Variants in LMF1 observed in about 807,000 individuals in gnomAD.
LMF1 encodes the protein lipase maturation factor 1.
Under a neutral mutation model 60.6 loss-of-function variants are expected in LMF1, and 68 were observed. That is an observed-to-expected ratio of 1.12 (90% CI 0.92 to 1.37). The LOEUF is 1.37. Among genes scored for constraint, LMF1 ranks in the 40% most tolerant of loss-of-function variants. The probability of loss-of-function intolerance (pLI) is 0.00; values close to 1 mark genes in which losing one functional copy is unlikely to be tolerated. For missense variants in LMF1, 948 were observed against 767.2 expected (o/e 1.24, Z -2.78); for synonymous variants, 418 against 324.7 (o/e 1.29, Z -3.09).
At chr16:879,451 T>A in intron 6 of LMF1, 119 bp downstream of exon 6, 1 of 1,199,946 alleles carries the variant, frequency 8.3e-7, no homozygotes, top group South Asian at 1.5e-5. Context: ...GGACAGGCTG[T>A]CCCCAAGAAA....
upstream of LMF1, among the ~76,000 whole-genome samples, chr16:972,552 A>C (rs2073069800): frequency 1.3e-5 from 2 of 152,084 alleles, no homozygotes; most frequent in African/African-American, 2.4e-5. Context: ...GGAGCCCCAC[A>C]CCCTGGGACC....
chr16:970,878 G>A lies in LMF1; in HGVS notation c.103C>T (p.Arg35Cys). Residue 35 changes from arginine (R) to cysteine (C), a missense_variant, in exon 1 of 11, where the codon CGT (arginine) becomes TGT (cysteine). By Grantham distance (180) the Arg-to-Cys change is radical. Transcript: ENST00000262301. Reference sequence around the variant, plus strand: ...TGGGCCGGAGAGCCTGCGGGGCCACGCCCCGGCGCGGGCGGCGACTCAGGC... The same window carrying A: ...TGGGCCGGAGAGCCTGCGGGGCCACACCCCGGCGCGGGCGGCGACTCAGGC... ...PEPESPPAPG[R>C]GPAGSPAHLH... The A allele has an allele frequency of 1.9e-6, 3 of 1,570,276 alleles. No homozygotes were observed. The highest frequency in any genetic ancestry group is 2.4e-5 in the East Asian group (1 of 41,448).
intron 4 of LMF1, among the ~76,000 whole-genome samples, chr16:905,850 G>A (rs770839055): frequency 3.9e-5 from 6 of 152,098 alleles, no homozygotes; most frequent in South Asian, 4.2e-4. Flanking sequence ...CTCAAGGGAC[G>A]CTCCTGCCTC....
chr16:909,347 C>T (rs375010113), intron 4 of LMF1, among the ~76,000 whole-genome samples: 14 of 152,132 alleles, frequency 9.2e-5, no homozygotes, highest in African/African-American at 2.4e-4. Flanking sequence ...ATGGACGTTA[C>T]GATGCAGGGA....
chr16:981,303 TGAGAGAGAGAGAGAGAGA>T (rs751174711), upstream of LMF1: 342 of 214,454 alleles, frequency 1.6e-3, 1 homozygote, highest in Non-Finnish European at 2.4e-3. Context: ...TGTGTGTGTG[TGAGAGAGAGAGAGAGAGA>T]GAGAGAGAGA....
At chr16:944,183 T>C (rs1257411842) in intron 2 of LMF1, among the ~76,000 whole-genome samples, 1 of 152,046 alleles carries the variant, frequency 6.6e-6, no homozygotes, top group East Asian at 1.9e-4. Flanking sequence ...ATGGGGAGGC[T>C]TGTCTCCCAG....
At chr16:871,406 C>T in intron 6 of LMF1, 65 bp from the exon 7 acceptor site, 1 of 1,542,366 alleles carries the variant, frequency 6.5e-7, no homozygotes, top group Non-Finnish European at 8.8e-7. Flanking sequence ...CAGCTGGCGC[C>T]TCTCTTCCTG....
At chr16:976,608 G>A (rs946889304) in intron 1 of LMF1, 12 of 453,982 alleles carry the variant, frequency 2.6e-5, no homozygotes, top group Middle Eastern at 6.8e-4. Flanking sequence ...ATTATCAGAC[G>A]AGAAGTGCAG....
chr16:953,116 C>A (rs2072533870), intron 2 of LMF1, among the ~76,000 whole-genome samples: 1 of 117,860 alleles, frequency 8.5e-6, no homozygotes, highest in Non-Finnish European at 1.8e-5. Context: ...CACCCCAAAC[C>A]AGCCTCCTAC....
At chr16:888,675 G>A (rs906427465) in intron 5 of LMF1, among the ~76,000 whole-genome samples, 2 of 152,226 alleles carry the variant, frequency 1.3e-5, no homozygotes, top group African/African-American at 4.8e-5. Context: ...CATTCTGGAC[G>A]GCGCCCGTCC....
intron 4 of LMF1, among the ~76,000 whole-genome samples, chr16:906,870 T>C (rs2151749974): frequency 1.3e-5 from 2 of 152,294 alleles, no homozygotes; most frequent in East Asian, 3.9e-4. Context: ...TGGGATGTCA[T>C]GGAATCTATA....
rs1486171644 is a variant in LMF1 at position 879,693 on chromosome 16, T to C, written c.774A>G (p.Ser258=). ...PNPVAYYLHH[S]PWWFHRFETL... ...TCTCGAAGCGATGGAACCACCAGGGTGAGTGGTGCAGGTAGTACGCCACAG... is the reference window on the plus strand; with the variant it reads ...TCTCGAAGCGATGGAACCACCAGGGCGAGTGGTGCAGGTAGTACGCCACAG... Residue 258 remains serine (S), a synonymous_variant, in exon 6 of 11, where the codon TCA becomes TCG. Transcript: ENST00000262301. 6.2e-7 allele frequency: 1 copy of C among 1,604,380 alleles called. No homozygotes were observed. Among genetic ancestry groups the C allele is most frequent in the Non-Finnish European group, 8.5e-7 (1 of 1,175,980 alleles).
intron 5 of LMF1, among the ~76,000 whole-genome samples, chr16:889,343 G>GGGGTGTGAGGCTGCGGATGGCCAT (rs879279261): frequency 4.7e-5 from 7 of 150,280 alleles, no homozygotes; most frequent in South Asian, 2.1e-4. Flanking sequence ...CGGTGAGTGT[G>GGGGTGTGAGGCTGCGGATGGCCAT]GGGTGTGAGG....
Position 897,033 on chromosome 16 carries a change from A to G in LMF1, c.664-3961T>C, listed in dbSNP as rs2070684240. ...ATGGCACAGACAGGCCAATAAACGC[A>G]CCAGACCCAAAGGGAGCCGGGGACC... On this transcript the variant is annotated intron_variant, in intron 4 of 10. Transcript: ENST00000262301. This position sits in a 1 kb window ranked among gnomAD's most constrained non-coding sequence, Gnocchi z 4.3. Among the ~76,000 whole-genome samples the G allele has an allele frequency of 6.6e-6, 1 of 150,856 alleles. No individual in the cohort carries two copies. Among genetic ancestry groups the G allele is most frequent in the Admixed American group, 6.6e-5 (1 of 15,168 alleles).
upstream of LMF1, chr16:981,301 TGTGA>T (rs1292109606): frequency 1.0e-3 from 340 of 330,344 alleles, no homozygotes; most frequent in Non-Finnish European, 1.2e-3. Context: ...TGTGTGTGTG[TGTGA>T]GAGAGAGAGA....
intron 10 of LMF1, among the ~76,000 whole-genome samples, chr16:863,206 C>T (rs560493780): frequency 2.0e-5 from 3 of 152,188 alleles, no homozygotes; most frequent in Non-Finnish European, 4.4e-5. Context: ...TGTGGTGTCG[C>T]CCAGGCTGGA....
At position 922,808 on chromosome 16, in the gene LMF1, G is replaced by A. The variant is rs34326409; in HGVS notation, c.514+11436C>T. Among the ~76,000 whole-genome samples, 259 of 106,508 alleles carry A rather than the reference G, an allele frequency of 2.4e-3. 18 individuals carry two copies. The highest frequency in any genetic ancestry group is 4.5e-3 in the Admixed American group (45 of 9,996). 69.9% of individuals were successfully genotyped at this position (106,508 alleles called of 152,430 possible). A position where few individuals can be genotyped will look rare whatever the true frequency, so the allele number is the denominator to read the frequency against. ...CCTGGGTTTTCGGGTGTGATGTGGT[G>A]TTGGCGTCGTGTTGTTGCGAAGGCC... On this transcript the variant is annotated intron_variant, in intron 3 of 10. Coordinates refer to ENST00000262301, the MANE Select transcript of LMF1 (RefSeq NM_022773.4).
intron 3 of LMF1, among the ~76,000 whole-genome samples, chr16:911,924 C>T (rs59020951): frequency 0.065 from 9,830 of 152,224 alleles, 357 homozygotes; most frequent in Non-Finnish European, 0.082. Context: ...ACGGATTCTT[C>T]GCACTGGAAA....
intron 3 of LMF1, chr16:931,929 T>A: frequency 1.4e-6 from 1 of 719,160 alleles, no homozygotes; most frequent in Non-Finnish European, 2.0e-6. Context: ...TTAGAATGTA[T>A]GACGCTCACC....
Sources: allele counts gnomAD v4.1 joint callset (sites outside exome capture counted in the v4.1 genomes callset), GRCh38; gene constraint gnomAD v4.1.1; non-coding constraint Gnocchi (gnomAD v3.1); transcripts MANE v1.5; gene names NCBI Gene and HGNC (gene_info 2026-07-23, HGNC 2026-07-21).